The following SLC14A2 variants were observed in gnomAD, a reference collection of about 807,000 sequenced individuals.
SLC14A2 encodes the protein solute carrier family 14 member 2.
In SLC14A2, 91 loss-of-function variants were observed where a neutral mutation model predicts 104.6. The ratio of observed to expected loss-of-function variants is 0.87; its 90% confidence interval spans 0.73 to 1.04. SLC14A2 has a LOEUF of 1.04. Among genes scored for constraint, SLC14A2 ranks in the 50% least tolerant of loss-of-function variants. The pLI, the probability that SLC14A2 is intolerant of heterozygous loss-of-function variation, is 0.00. For missense variants in SLC14A2, 1,189 were observed against 1,156.0 expected, an observed-to-expected ratio of 1.03 and a Z score of -0.41; for synonymous variants, 476 against 466.4, an observed-to-expected ratio of 1.02 and a Z score of -0.27.
At chr18:45,671,245 T>C (rs971476550) in intron 16 of SLC14A2, among the ~76,000 whole-genome samples, 11 of 152,168 alleles carry the variant, frequency 7.2e-5, no homozygotes, top group Admixed American at 2.6e-4. Flanking sequence ...TGAATAATCC[T>C]GTACAAACAC....
At chr18:45,661,061 G>A (rs181954494) in intron 10 of SLC14A2, among the ~76,000 whole-genome samples, 1 of 152,256 alleles carries the variant, frequency 6.6e-6, no homozygotes, top group African/African-American at 2.4e-5. Flanking sequence ...TTTTGCAGCT[G>A]GGCCATCAAC....
chr18:45,300,378 A>G (rs1459701665), intron 1 of SLC14A2, among the ~76,000 whole-genome samples: 1 of 128,100 alleles, frequency 7.8e-6, no homozygotes, highest in African/African-American at 3.4e-5. Flanking sequence ...TAAATGACAG[A>G]GCCTGCTCTA....
intron 1 of SLC14A2, among the ~76,000 whole-genome samples, chr18:45,406,394 A>C (rs866557567): frequency 2.6e-5 from 4 of 152,202 alleles, no homozygotes. Context: ...CAATTCTACC[A>C]CATCTGCAGT....
rs145980997 is a variant in SLC14A2, at chr18:45,260,014, T to C, written c.-125+46823T>C. Among the ~76,000 whole-genome samples the C allele has an allele frequency of 2.0e-3, 301 of 152,318 alleles. 2 individuals carry two copies. Among genetic ancestry groups the C allele is most frequent in the Non-Finnish European group, 3.2e-3 (220 of 68,018 alleles). On this transcript the variant is annotated intron_variant, in intron 1 of 20. Transcript: ENST00000586448. Reference sequence around the variant, plus strand: ...GAGGGAGGGATGTCAAAAAGCTAACTACTCCCTTAGCAAACTCTGACAGAG... The same window carrying C: ...GAGGGAGGGATGTCAAAAAGCTAACCACTCCCTTAGCAAACTCTGACAGAG...
At chr18:45,214,596 G>A (rs1270881183) in intron 1 of SLC14A2, among the ~76,000 whole-genome samples, 1 of 152,084 alleles carries the variant, frequency 6.6e-6, no homozygotes, top group Non-Finnish European at 1.5e-5. Flanking sequence ...ATAATTTTAT[G>A]TAGCATAATC....
At chr18:45,561,900 T>G (rs902497461) in intron 2 of SLC14A2, among the ~76,000 whole-genome samples, 4 of 142,474 alleles carry the variant, frequency 2.8e-5, no homozygotes, top group Non-Finnish European at 4.8e-5. Context: ...ATTGATGATT[T>G]GACTCCATTT....
At chr18:45,673,517 G>T (rs2046176022) in intron 17 of SLC14A2, among the ~76,000 whole-genome samples, 166 bp from the exon 18 acceptor site, 1 of 152,156 alleles carries the variant, frequency 6.6e-6, no homozygotes, top group African/African-American at 2.4e-5. Flanking sequence ...ATGGCCATTT[G>T]TTTCCTTTAG....
chr18:45,551,271 C>A (rs1327220629), intron 2 of SLC14A2, among the ~76,000 whole-genome samples: 1 of 152,076 alleles, frequency 6.6e-6, no homozygotes, highest in Admixed American at 6.5e-5. Flanking sequence ...GGGAACTGGG[C>A]GGTGTGATGG....
At chr18:45,655,573 G>T (rs1420107865) in intron 10 of SLC14A2, among the ~76,000 whole-genome samples, 2 of 152,190 alleles carry the variant, frequency 1.3e-5, no homozygotes, top group Non-Finnish European at 2.9e-5. Context: ...GACTTACAGG[G>T]AAAGAGTGCT....
chr18:45,512,248 G>T (rs764024952), intron 2 of SLC14A2, among the ~76,000 whole-genome samples: 1 of 152,082 alleles, frequency 6.6e-6, no homozygotes, highest in Non-Finnish European at 1.5e-5. Context: ...TGGAGGTGAG[G>T]GTCCCAAATG....
chr18:45,299,769 C>T (rs1310555511), intron 1 of SLC14A2, among the ~76,000 whole-genome samples: 1 of 152,190 alleles, frequency 6.6e-6, no homozygotes, highest in Non-Finnish European at 1.5e-5. Context: ...GCACATCCGT[C>T]TTACTTTAAA....
intron 1 of SLC14A2, among the ~76,000 whole-genome samples, chr18:45,447,779 T>C (rs142384094): frequency 0.016 from 2,424 of 152,326 alleles, 61 homozygotes; most frequent in African/African-American, 0.055. Context: ...AAATGGAGCC[T>C]TTATACCAGA....
At chr18:45,284,864 A>G (rs2144150779) in intron 1 of SLC14A2, among the ~76,000 whole-genome samples, 1 of 152,342 alleles carries the variant, frequency 6.6e-6, no homozygotes, top group Admixed American at 6.5e-5. Flanking sequence ...ACAGAGGGAA[A>G]GGGAAAGAAA....
At chr18:45,255,105 C>T (rs910580647) in intron 1 of SLC14A2, among the ~76,000 whole-genome samples, 62 of 152,172 alleles carry the variant, frequency 4.1e-4, no homozygotes, top group African/African-American at 1.4e-3. Flanking sequence ...CTGCTTCTTT[C>T]CTTCTCTCTC....
At chr18:45,361,687 C>G (rs529494668) in intron 1 of SLC14A2, among the ~76,000 whole-genome samples, 6 of 152,212 alleles carry the variant, frequency 3.9e-5, no homozygotes, top group Non-Finnish European at 8.8e-5. Flanking sequence ...CTGACTCAAG[C>G]ACAGTCCTGG....
rs2085929710 is a variant in SLC14A2, at chr18:45,388,811, G to A, written c.-124-94422G>A. Among the ~76,000 whole-genome samples, 2 of 152,102 alleles carry A rather than the reference G, an allele frequency of 1.3e-5. 1 individual carries two copies. Among genetic ancestry groups the A allele is most frequent in the South Asian group, 4.2e-4 (2 of 4,818 alleles). On this transcript the variant is annotated intron_variant, in intron 1 of 20. Coordinates refer to the SLC14A2 transcript ENST00000586448. ...GACAGGAGGTCGCTGAAGGCCACAG[G>A]TGCACACAAATACGCATTTGTGAGT...
chr18:45,194,796 C>A, the SLC14A2 span, among the ~76,000 whole-genome samples: 1 of 151,772 alleles, frequency 6.6e-6, no homozygotes, highest in Non-Finnish European at 1.5e-5. Context: ...CAGGCACCTG[C>A]CATCATGCCG....
In SLC14A2 at chr18:45,458,920, C is replaced by T. The variant is rs929264087; in HGVS notation, c.-124-24313C>T. 1.3e-4 allele frequency among the ~76,000 whole-genome samples: 20 copies of T among 152,124 alleles called. No individual in the cohort carries two copies. The East Asian group carries it at 3.5e-3, about 26-fold the overall frequency. On this transcript the variant is annotated intron_variant, in intron 1 of 20. Coordinates refer to the SLC14A2 transcript ENST00000586448. ...TGGTGCAATGAATATACTGATGTAC[C>T]GAAAGCTATACTTTGGAGGTAAAAA...
the SLC14A2 span, chr18:45,168,517 G>A: frequency 2.6e-5 from 4 of 152,152 alleles, no homozygotes; most frequent in East Asian, 7.7e-4. Flanking sequence ...AAAAAAGAGT[G>A]AGAATAGGAG....
Sources: gnomAD v4.1 joint callset for allele counts (sites outside exome capture counted in the v4.1 genomes callset) on GRCh38, gnomAD v4.1.1 for gene constraint, MANE v1.5 for transcripts, NCBI Gene and HGNC (gene_info 2026-07-23, HGNC 2026-07-21) for gene names.